Variants in ORC2 observed in about 807,000 individuals in gnomAD.
ORC2 encodes the protein origin recognition complex subunit 2, also known as origin recognition complex protein 2 homolog.
ORC2 carries 37 observed loss-of-function variants against 77.7 expected under a neutral mutation model. The ratio of observed to expected loss-of-function variants is 0.48; its 90% CI spans 0.37 to 0.63. The LOEUF (loss-of-function observed/expected upper bound fraction) is 0.63. ORC2 is among the 20% of genes least tolerant of loss of function. The pLI is 0.00. For missense variants in ORC2, 557 were observed against 661.9 expected (o/e 0.84, Z 1.74); for synonymous variants, 201 against 229.5 (o/e 0.88, Z 1.12).
intron 13 of ORC2, among the ~76,000 whole-genome samples, chr2:200,922,132 G>C (rs1397462507): frequency 1.8e-4 from 21 of 117,468 alleles, no homozygotes; most frequent in Non-Finnish European, 1.7e-4. Flanking sequence ...AGCCAAAGGA[G>C]ACCAAAAAAG....
intron 7 of ORC2, among the ~76,000 whole-genome samples, chr2:200,940,571 G>A (rs2041128769): frequency 6.6e-6 from 1 of 152,136 alleles, no homozygotes; most frequent in South Asian, 2.1e-4. Flanking sequence ...AGAGGCCCAG[G>A]TGGATGGATC....
intron 5 of ORC2, among the ~76,000 whole-genome samples, chr2:200,948,075 ATTTTT>A (rs57958964): frequency 6.8e-6 from 1 of 146,032 alleles, no homozygotes; most frequent in Non-Finnish European, 1.5e-5. Context: ...CGCCTGGCTA[ATTTTT>A]TTTTTTGTAT....
At chr2:200,957,787 C>T (rs1423425579) in intron 3 of ORC2, among the ~76,000 whole-genome samples, 2 of 151,220 alleles carry the variant, frequency 1.3e-5, no homozygotes, top group Non-Finnish European at 2.9e-5. Context: ...TTTTAAATTA[C>T]AATGGGTAGT....
intron 8 of ORC2, among the ~76,000 whole-genome samples, chr2:200,937,636 T>C (rs561497794): frequency 1.3e-5 from 2 of 152,230 alleles, no homozygotes; most frequent in Non-Finnish European, 2.9e-5. Flanking sequence ...TTAATATTAT[T>C]TCATTATAAA....
intron 15 of ORC2, 47 bp from the exon 16 acceptor site, chr2:200,914,039 CA>C (rs2040596952): frequency 4.3e-6 from 5 of 1,165,450 alleles, no homozygotes; most frequent in Non-Finnish European, 5.0e-6. Flanking sequence ...ATGTTAACAT[CA>C]AAAGGTAACA....
chr2:200,911,214 G>A lies in ORC2; in HGVS notation c.*87C>T, dbSNP rs1384475748. ...TTGTATGCTGGAAAAATAATTTAAT[G>A]TCAGATGTAAACACAACACTTTCAA... On this transcript the variant is annotated 3_prime_UTR_variant, in exon 18 of 18. Transcript: ENST00000234296. 15 of 778,784 alleles carry A rather than the reference G, an allele frequency of 1.9e-5. No homozygotes were observed. Among genetic ancestry groups the A allele is most frequent in the Non-Finnish European group, 3.1e-5 (14 of 453,352 alleles). The allele number at this position is 778,784 out of a possible 1,614,324, so 48.2% of individuals were successfully genotyped here.
intron 14 of ORC2, among the ~76,000 whole-genome samples, chr2:200,920,706 A>G (rs567053770): frequency 6.6e-6 from 1 of 152,334 alleles, no homozygotes; most frequent in East Asian, 1.9e-4. Context: ...AGTTCATAAA[A>G]TAAATGTTGC....
chr2:200,947,525 T>G (rs963254935), intron 5 of ORC2, among the ~76,000 whole-genome samples: 10 of 152,252 alleles, frequency 6.6e-5, no homozygotes, highest in Non-Finnish European at 1.5e-4. Context: ...TTTATAATTA[T>G]ACGTTATAAG....
chr2:200,957,984 A>G, intron 3 of ORC2, 46 bp downstream of exon 3: 1 of 1,166,164 alleles, frequency 8.6e-7, no homozygotes, highest in Middle Eastern at 2.0e-4. Context: ...AATAATCCAT[A>G]AACATTATAA....
At chr2:200,949,306 GCA>G (rs1366802522) in intron 5 of ORC2, among the ~76,000 whole-genome samples, 1 of 151,120 alleles carries the variant, frequency 6.6e-6, no homozygotes, top group Admixed American at 6.6e-5. Context: ...CAAAGACTGT[GCA>G]CATACTACAA....
At chr2:200,953,417 T>A (rs543228670) in intron 4 of ORC2, among the ~76,000 whole-genome samples, 2 of 138,844 alleles carry the variant, frequency 1.4e-5, no homozygotes, top group Non-Finnish European at 1.5e-5. Context: ...TACTGTTTTT[T>A]TTTTTTTTTA....
At chr2:200,912,296 C>T (rs1211983874) in intron 17 of ORC2, among the ~76,000 whole-genome samples, 4 of 152,204 alleles carry the variant, frequency 2.6e-5, no homozygotes, top group Admixed American at 2.6e-4. Flanking sequence ...TCCTAGGTAT[C>T]CAACTGCATA....
rs989901499 is a variant in ORC2, at chr2:200,949,466, T to G, written c.328+88A>C. 3.7e-5 allele frequency: 26 copies of G among 701,466 alleles called. No homozygotes were observed. In the African/African-American group the frequency reaches 4.8e-4, roughly 13 times the overall value. The allele number at this position is 701,466 out of a possible 1,614,324, so 43.5% of individuals were successfully genotyped here. ...AATCTCTCTTCATTCTTTTAGGAAA[T>G]GTAGTGGTATAATAATCATGGGGAA... is the stretch of plus-strand genomic sequence containing the variant. On this transcript the variant is annotated intron_variant, in intron 5 of 17. Transcript: ENST00000234296.
At chr2:200,943,653 AT>A in intron 5 of ORC2, among the ~76,000 whole-genome samples, 1 of 152,266 alleles carries the variant, frequency 6.6e-6, no homozygotes, top group Non-Finnish European at 1.5e-5. Flanking sequence ...AGTGAAAGCC[AT>A]TTTACTGGCT....
Position 200,958,114 on chromosome 2 carries a change from G to T in ORC2, c.10C>A (p.Pro4Thr), listed in dbSNP as rs766868918. MSK[P>T]ELKEDKMLEV... is the part of the protein sequence containing the mutation. ...AGCATCTTGTCTTCCTTTAATTCTG[G>T]TTTACTCATTGTTGCCAACCTAAAC... Residue 4 changes from proline (P) to threonine (T), a missense_variant, in exon 3 of 18, where the codon CCA becomes ACA. Physicochemically the swap from Pro to Thr is conservative, Grantham distance 38. Coordinates refer to ENST00000234296, the MANE Select transcript of ORC2 (RefSeq NM_006190.5). 9.9e-6 allele frequency: 16 copies of T among 1,610,000 alleles called. No homozygotes were observed. The highest frequency in any genetic ancestry group is 9.9e-5 in the South Asian group (9 of 90,852).
At chr2:200,914,661 C>A (rs907757485) in intron 15 of ORC2, among the ~76,000 whole-genome samples, 61 of 152,232 alleles carry the variant, frequency 4.0e-4, no homozygotes, top group African/African-American at 1.4e-3. Context: ...CGCCTATGGT[C>A]TCAGCTACTC....
chr2:200,912,238 G>A (rs1329370510), intron 17 of ORC2, among the ~76,000 whole-genome samples: 2 of 152,092 alleles, frequency 1.3e-5, no homozygotes, highest in African/African-American at 2.4e-5. Flanking sequence ...AAATATATAA[G>A]AATCATAATC....
chr2:200,957,960 A>T (rs2041501711), intron 3 of ORC2, 70 bp downstream of exon 3: 1 of 983,738 alleles, frequency 1.0e-6, no homozygotes, highest in African/African-American at 1.6e-5. Flanking sequence ...AAATGTTAAA[A>T]GTTTTAAAAG....
At chr2:200,921,353 C>CT in intron 13 of ORC2, 1 of 282,114 alleles carries the variant, frequency 3.5e-6, no homozygotes, top group Non-Finnish European at 6.5e-6. Flanking sequence ...CGGGGTCTCA[C>CT]TAAGTTGCCC....
Sources: gnomAD v4.1 joint callset for allele counts (sites outside exome capture counted in the v4.1 genomes callset) on GRCh38, gnomAD v4.1.1 for gene constraint, MANE v1.5 for transcripts, NCBI Gene and HGNC (gene_info 2026-07-23, HGNC 2026-07-21) for gene names.